LPIN1: variants seen among roughly 807,000 people sequenced by gnomAD.
LPIN1 encodes the protein phosphatidate phosphatase LPIN1.
LPIN1 carries 71 observed loss-of-function variants against 107.5 expected under a neutral mutation model. The ratio of observed to expected loss-of-function variants is 0.66; its 90% confidence interval spans 0.55 to 0.80. The LOEUF (loss-of-function observed/expected upper bound fraction) is 0.80. Ranked by LOEUF, LPIN1 falls within the 30% of genes least tolerant of loss-of-function variation. LPIN1 has a pLI of 0.00. For synonymous variants in LPIN1, 445 were observed against 452.6 expected (o/e 0.98, Z 0.21); for missense variants, 1,043 against 1,160.6 (o/e 0.90, Z 1.47).
chr2:11,784,437 C>G, intron 9 of LPIN1: 1 of 1,111,388 alleles, frequency 9.0e-7, no homozygotes, highest in Non-Finnish European at 1.1e-6. Flanking sequence ...GGGCGCAGCA[C>G]CGGGCTGCCC....
In LPIN1 at chr2:11,774,917, A is replaced by G. The variant is rs1672422075; in HGVS notation, c.723-1169A>G. Among the ~76,000 whole-genome samples the G allele has an allele frequency of 6.6e-6, 1 of 151,886 alleles. No homozygotes were observed. The highest frequency in any genetic ancestry group is 1.5e-5 in the Non-Finnish European group (1 of 67,988). On this transcript the variant is annotated intron_variant, in intron 5 of 20. Coordinates refer to ENST00000674199, the MANE Select transcript of LPIN1 (RefSeq NM_001349206.2). The surrounding 1 kb of genome is among the most constrained non-coding windows in gnomAD (Gnocchi z 4.4). ...CCTGTTCAATAGAAACGTAATAACTAGCTCCATATGTAATTTTAAGATTTC... is the reference window on the plus strand; with the variant it reads ...CCTGTTCAATAGAAACGTAATAACTGGCTCCATATGTAATTTTAAGATTTC...
chr2:11,744,820 G>A (rs1206457908), upstream of LPIN1, among the ~76,000 whole-genome samples: 4 of 152,130 alleles, frequency 2.6e-5, no homozygotes, highest in African/African-American at 9.7e-5. Flanking sequence ...CAGCCGTGAT[G>A]CACTTGAAAC....
At chr2:11,816,631 G>T (rs186666237) in intron 18 of LPIN1, 68 of 152,258 alleles carry the variant, frequency 4.5e-4, no homozygotes, top group African/African-American at 1.6e-3. Context: ...ATGGCCACCG[G>T]CCTGGTCCTT....
At chr2:11,798,600 G>C (rs531555125) in intron 14 of LPIN1, among the ~76,000 whole-genome samples, 2 of 152,088 alleles carry the variant, frequency 1.3e-5, no homozygotes, top group African/African-American at 4.8e-5. Context: ...TGGACCATTC[G>C]CCATTCTGAG....
At position 11,713,596 on chromosome 2, in the gene LPIN1, T is replaced by C. The variant is rs73181378; in HGVS notation, c.82-160T>C. Among the ~76,000 whole-genome samples the C allele has an allele frequency of 0.058, 8,898 of 152,224 alleles. 614 individuals carry two copies. The highest frequency in any genetic ancestry group is 0.17 in the African/African-American group (6,857 of 41,502). On this transcript the variant is annotated intron_variant, in intron 1 of 21. Coordinates refer to the LPIN1 transcript ENST00000449576. ...ACACATTCTTCTTCTTAATTTAGTTTTTTTTTAATTGGCATATAGCCTACA... is the reference window on the plus strand; with the variant it reads ...ACACATTCTTCTTCTTAATTTAGTTCTTTTTTAATTGGCATATAGCCTACA...
chr2:11,691,550 T>C (rs1035886876), intron 1 of LPIN1, among the ~76,000 whole-genome samples: 5 of 152,206 alleles, frequency 3.3e-5, no homozygotes, highest in African/African-American at 1.2e-4. Flanking sequence ...TTCAGCTCCA[T>C]TCACCATGCA....
In LPIN1 at chr2:11,824,714, A is replaced by G. The variant is rs1423482392; in HGVS notation, c.2704A>G (p.Thr902Ala). Reference sequence around the variant, plus strand: ...TTCTTCAGACTTTCCCTGTTCGGATACCTTCAGTAACTTCACCTTTTGGAG... The same window carrying G: ...TTCTTCAGACTTTCCCTGTTCGGATGCCTTCAGTAACTTCACCTTTTGGAG... Reference protein sequence around the residue: ...SHSSDFPCSDTFSNFTFWREP... With the variant: ...SHSSDFPCSDAFSNFTFWREP... Residue 902 changes from threonine (T) to alanine (A), a missense_variant, in exon 21 of 21, where the codon ACC (threonine) becomes GCC (alanine). Physicochemically the swap from Thr to Ala is moderately conservative, Grantham distance 58. Coordinates refer to ENST00000674199, the MANE Select transcript of LPIN1 (RefSeq NM_001349206.2). 5.6e-6 allele frequency: 9 copies of G among 1,614,152 alleles called. No homozygotes were observed. Among genetic ancestry groups the G allele is most frequent in the Non-Finnish European group, 7.6e-6 (9 of 1,180,022 alleles).
chr2:11,765,718 C>G lies in LPIN1; in HGVS notation c.177C>G (p.Arg59=), dbSNP rs375376891. The change falls in exon 2 of 21, where the codon CGC becomes CGG. Residue 59 remains arginine (R), a synonymous_variant. Coordinates refer to ENST00000674199, the MANE Select transcript of LPIN1 (RefSeq NM_001349206.2). The surrounding 1 kb of genome is among the most constrained non-coding windows in gnomAD (Gnocchi z 4.4). The part of the protein sequence containing the change: ...HVRFGKMGVL[R]SREKVVDIEI... ...GCTTTGGGAAGATGGGGGTCCTGCG[C>G]TCCCGAGAGAAAGTGGTGAGCTCTC... The G allele has an allele frequency of 4.3e-6, 7 of 1,611,006 alleles. No individual in the cohort carries two copies. The South Asian group carries it at 7.7e-5, about 18-fold the overall frequency.
At chr2:11,784,195 T>G (rs573297180) in intron 9 of LPIN1, 1 of 782,388 alleles carries the variant, frequency 1.3e-6, no homozygotes, top group South Asian at 1.8e-5. Flanking sequence ...TCCCAGCTAC[T>G]CGGGAGGCTG....
chr2:11,798,914 C>T (rs1677197380), intron 14 of LPIN1, among the ~76,000 whole-genome samples: 1 of 152,204 alleles, frequency 6.6e-6, no homozygotes. Flanking sequence ...CGTACACTGA[C>T]AAGTGCTAAC....
intron 13 of LPIN1, chr2:11,792,213 A>G: frequency 1.9e-6 from 1 of 534,484 alleles, no homozygotes; most frequent in South Asian, 1.9e-5. Context: ...CATAGGTGTC[A>G]CCTCCTGGCT....
In LPIN1 at chr2:11,691,439, T is replaced by G. The variant is rs576698098; in HGVS notation, c.81+13711T>G. ...AATCCCTTCCCAGGATTACCTTCAG[T>G]GTGAAGCCTGGCTCCCGTGTCCCAT... On this transcript the variant is annotated intron_variant, in intron 1 of 21. Transcript: ENST00000449576. Among the ~76,000 whole-genome samples the G allele has an allele frequency of 2.6e-4, 39 of 152,270 alleles. No individual in the cohort carries two copies. In the South Asian group the frequency reaches 8.1e-3, roughly 32 times the overall value.
chr2:11,713,507 G>A (rs1414578707), intron 1 of LPIN1, among the ~76,000 whole-genome samples: 1 of 152,196 alleles, frequency 6.6e-6, no homozygotes, highest in East Asian at 1.9e-4. Context: ...CTGACCTCAG[G>A]TGATCTGCCT....
intron 6 of LPIN1, chr2:11,777,344 G>A (rs1280743364): frequency 6.6e-6 from 1 of 152,206 alleles, no homozygotes; most frequent in African/African-American, 2.4e-5. Flanking sequence ...TGTTGGGGAG[G>A]GACTTGCAGC....
At chr2:11,808,157 C>T (rs987338382) in intron 17 of LPIN1, among the ~76,000 whole-genome samples, 1 of 152,228 alleles carries the variant, frequency 6.6e-6, no homozygotes, top group Non-Finnish European at 1.5e-5. Flanking sequence ...TCTTCCCCGT[C>T]CCCGGACTTG....
intron 1 of LPIN1, among the ~76,000 whole-genome samples, chr2:11,699,440 G>T (rs561473367): frequency 6.6e-6 from 1 of 152,048 alleles, no homozygotes; most frequent in African/African-American, 2.4e-5. Flanking sequence ...GGAGTCCCTG[G>T]GGGGGGCGTG....
intron 1 of LPIN1, among the ~76,000 whole-genome samples, chr2:11,704,356 T>C (rs186266319): frequency 6.6e-6 from 1 of 152,320 alleles, no homozygotes; most frequent in Admixed American, 6.5e-5. Context: ...TGTGGTTGCA[T>C]CTGGGCCTGA....
chr2:11,729,654 G>A (rs1664999893), intron 1 of LPIN1, among the ~76,000 whole-genome samples: 1 of 152,206 alleles, frequency 6.6e-6, no homozygotes, highest in Non-Finnish European at 1.5e-5. Context: ...GAGACCATGT[G>A]ACCTGCAAAG....
rs199988315 is a variant in LPIN1 at position 11,759,368 on chromosome 2, G to A, written c.-9-6165G>A. Among the ~76,000 whole-genome samples the A allele has an allele frequency of 1.2e-4, 18 of 151,862 alleles. No homozygotes were observed. In the East Asian group the frequency reaches 1.9e-3, roughly 16 times the overall value. On this transcript the variant is annotated intron_variant, in intron 1 of 20. Transcript: ENST00000674199. ...TTGTGTCCCTGGGTACTTGAGATTAGGGAGTGGTGATGACTCTTAACGAGC... is the reference window on the plus strand; with the variant it reads ...TTGTGTCCCTGGGTACTTGAGATTAAGGAGTGGTGATGACTCTTAACGAGC...
Sources: allele counts gnomAD v4.1 joint callset (sites outside exome capture counted in the v4.1 genomes callset), GRCh38; gene constraint gnomAD v4.1.1; non-coding constraint Gnocchi (gnomAD v3.1); transcripts MANE v1.5; gene names NCBI Gene and HGNC (gene_info 2026-07-23, HGNC 2026-07-21).